Variants in TMEM132D observed in about 807,000 individuals in gnomAD.
TMEM132D encodes the protein mature OL transmembrane protein.
Under a neutral mutation model 62.3 loss-of-function variants are expected in TMEM132D, and 21 were observed. The observed-to-expected ratio is 0.34, with a 90% CI of 0.24 to 0.49. The LOEUF is 0.49. Ranked by LOEUF, TMEM132D falls within the 20% of genes least tolerant of loss-of-function variation. The probability of loss-of-function intolerance (pLI) is 0.99; values close to 1 mark genes in which losing one functional copy is unlikely to be tolerated. For missense variants in TMEM132D, 1,346 were observed against 1,402.8 expected, an observed-to-expected ratio of 0.96 and a Z score of 0.65; for synonymous variants, 621 against 575.6, an observed-to-expected ratio of 1.08 and a Z score of -1.13.
intron 1 of TMEM132D, among the ~76,000 whole-genome samples, chr12:129,817,678 G>A (rs1489474220): frequency 2.7e-5 from 4 of 145,746 alleles, no homozygotes; most frequent in African/African-American, 7.6e-5. Context: ...GGGTATGTGT[G>A]GGGGGTGTGT....
intron 1 of TMEM132D, among the ~76,000 whole-genome samples, chr12:129,839,077 A>G (rs1290707495): frequency 7.6e-6 from 1 of 131,546 alleles, no homozygotes; most frequent in Non-Finnish European, 1.6e-5. Flanking sequence ...CGGCTTCCCA[A>G]TTAGCTGGGA....
chr12:129,879,102 T>C (rs1874517805), intron 1 of TMEM132D, among the ~76,000 whole-genome samples: 1 of 152,216 alleles, frequency 6.6e-6, no homozygotes, highest in Non-Finnish European at 1.5e-5. Flanking sequence ...TGCAGTCTAT[T>C]TTCCTTGTTA....
chr12:129,336,041 A>G (rs1015073394), intron 4 of TMEM132D, among the ~76,000 whole-genome samples: 1 of 152,220 alleles, frequency 6.6e-6, no homozygotes, highest in African/African-American at 2.4e-5. Flanking sequence ...AGTAGAAGGA[A>G]AGATGGGGCC....
chr12:129,076,292 T>C (rs1365850752), intron 8 of TMEM132D, among the ~76,000 whole-genome samples: 1 of 151,878 alleles, frequency 6.6e-6, no homozygotes, highest in African/African-American at 2.4e-5. Context: ...AGAGAGAGAG[T>C]GGGCATGAAA....
chr12:129,648,540 T>C (rs1004409031), intron 2 of TMEM132D, among the ~76,000 whole-genome samples: 19 of 152,226 alleles, frequency 1.2e-4, no homozygotes, highest in African/African-American at 3.6e-4. Flanking sequence ...GGTGAGCCCA[T>C]TGGGCAGTTA....
intron 5 of TMEM132D, among the ~76,000 whole-genome samples, chr12:129,147,934 C>T (rs1284298562): frequency 2.0e-5 from 3 of 152,202 alleles, no homozygotes; most frequent in Non-Finnish European, 4.4e-5. Context: ...GCTTCAAAAT[C>T]AGGACATTCC....
At chr12:129,354,305 A>G (rs1456969212) in intron 3 of TMEM132D, among the ~76,000 whole-genome samples, 1 of 117,978 alleles carries the variant, frequency 8.5e-6, no homozygotes, top group Non-Finnish European at 1.8e-5. Context: ...CAAAAACTAA[A>G]CTTTATTGGG....
chr12:129,878,864 C>T (rs536470699), intron 1 of TMEM132D, among the ~76,000 whole-genome samples: 40 of 152,240 alleles, frequency 2.6e-4, no homozygotes, highest in African/African-American at 9.4e-4. Context: ...CCGCTGCACC[C>T]GGCCTACAGA....
At chr12:129,444,252 T>A (rs1325513158) in intron 3 of TMEM132D, among the ~76,000 whole-genome samples, 3 of 152,016 alleles carry the variant, frequency 2.0e-5, no homozygotes, top group Non-Finnish European at 4.4e-5. Flanking sequence ...AAGCAAAAAT[T>A]GACAAATGGG....
intron 1 of TMEM132D, among the ~76,000 whole-genome samples, chr12:129,789,382 C>G (rs1295919447): frequency 6.6e-6 from 1 of 152,174 alleles, no homozygotes; most frequent in Non-Finnish European, 1.5e-5. Flanking sequence ...CAGGTTGCTA[C>G]CCATAGGAAA....
intron 4 of TMEM132D, among the ~76,000 whole-genome samples, chr12:129,283,112 C>G (rs994657424): frequency 3.3e-5 from 5 of 152,190 alleles, no homozygotes; most frequent in African/African-American, 1.2e-4. Flanking sequence ...CATTCATACA[C>G]TCATCCATTC....
intron 5 of TMEM132D, among the ~76,000 whole-genome samples, chr12:129,140,444 C>T (rs1206427503): frequency 1.3e-5 from 2 of 152,114 alleles, no homozygotes; most frequent in African/African-American, 4.8e-5. Context: ...GGCAACTACT[C>T]GTTTGCTGTC....
intron 3 of TMEM132D, among the ~76,000 whole-genome samples, chr12:129,517,027 C>A (rs1465601054): frequency 6.6e-6 from 1 of 152,108 alleles, no homozygotes; most frequent in African/African-American, 2.4e-5. Flanking sequence ...TACATGGGAC[C>A]CATCAGATTA....
intron 1 of TMEM132D, among the ~76,000 whole-genome samples, chr12:129,832,035 C>CTTT (rs71085577): frequency 0.041 from 3,807 of 93,412 alleles, 370 homozygotes; most frequent in Non-Finnish European, 0.047. Context: ...ATGCCCGGCT[C>CTTT]TTTTTTTTTT....
rs144933756 is a variant in TMEM132D at position 129,672,981 on chromosome 12, C to G, written c.968+26829G>C. Reference sequence around the variant, plus strand: ...CGGGCTGGTCTTGAACTCCTGACCTCAGGTGATCTGCCCGCCACAGCCTCC... The same window carrying G: ...CGGGCTGGTCTTGAACTCCTGACCTGAGGTGATCTGCCCGCCACAGCCTCC... On this transcript the variant is annotated intron_variant, in intron 2 of 8. Transcript: ENST00000422113. 1.7e-3 allele frequency among the ~76,000 whole-genome samples: 262 copies of G among 152,326 alleles called. 1 individual carries two copies. The highest frequency in any genetic ancestry group is 6.2e-3 in the African/African-American group (256 of 41,572).
chr12:129,116,974 T>A (rs1360163445), intron 5 of TMEM132D, among the ~76,000 whole-genome samples: 1 of 145,976 alleles, frequency 6.9e-6, no homozygotes, highest in Non-Finnish European at 1.5e-5. Flanking sequence ...TAGAGCAGCT[T>A]CATTCATAAT....
Position 129,073,374 on chromosome 12 carries a change from G to A in TMEM132D, c.*501C>T, listed in dbSNP as rs1341816095. ...ACAATCATGCCTCCCACAGCTGACG[G>A]CGGCACTGGACTGCCTGTGATCGCG... On this transcript the variant is annotated 3_prime_UTR_variant, in exon 9 of 9. Coordinates refer to ENST00000422113, the MANE Select transcript of TMEM132D (RefSeq NM_133448.3). 6.5e-6 allele frequency: 1 copy of A among 153,086 alleles called. No individual in the cohort carries two copies. The highest frequency in any genetic ancestry group is 1.5e-5 in the Non-Finnish European group (1 of 68,576). 9.5% of individuals were successfully genotyped at this position (153,086 alleles called of 1,614,324 possible).
At chr12:129,697,352 G>T (rs1881233179) in intron 2 of TMEM132D, among the ~76,000 whole-genome samples, 1 of 152,106 alleles carries the variant, frequency 6.6e-6, no homozygotes, top group Non-Finnish European at 1.5e-5. Context: ...AAGATATACA[G>T]TTTTATTATT....
Position 129,811,319 on chromosome 12 carries a change from C to T in TMEM132D, c.79+91942G>A, listed in dbSNP as rs558568601. Among the ~76,000 whole-genome samples, 16 of 151,722 alleles carry T rather than the reference C, an allele frequency of 1.1e-4. No individual in the cohort carries two copies. In the South Asian group the frequency reaches 2.8e-3, roughly 26 times the overall value. On this transcript the variant is annotated intron_variant, in intron 1 of 8. Transcript: ENST00000422113. ...CGGTCCTGCCTCCCTCCTTGTTCTA[C>T]CTCCTTGGAGGCTCACACCCAGCAG...
Sources: allele counts gnomAD v4.1 joint callset (sites outside exome capture counted in the v4.1 genomes callset), GRCh38; gene constraint gnomAD v4.1.1; transcripts MANE v1.5; gene names NCBI Gene and HGNC (gene_info 2026-07-23, HGNC 2026-07-21).